HBP1: variants seen among roughly 807,000 people sequenced by gnomAD.
HBP1 encodes HMG box-containing protein 1.
A neutral mutation model predicts 62.6 loss-of-function variants in HBP1; 20 were observed. That is an observed-to-expected ratio of 0.32 (90% CI 0.22 to 0.46). The LOEUF is 0.46. Ranked by LOEUF, HBP1 falls within the 20% of genes least tolerant of loss-of-function variation. HBP1 has a pLI of 1.00. For synonymous variants in HBP1, 232 were observed against 206.2 expected, an observed-to-expected ratio of 1.12 and a Z score of -1.07; for missense variants, 480 against 611.8, an observed-to-expected ratio of 0.78 and a Z score of 2.27.
chr7:107,173,141 A>T lies in HBP1; in HGVS notation c.-16+3956A>T, dbSNP rs527329417. On this transcript the variant is annotated intron_variant, in intron 1 of 10. Transcript: ENST00000222574. ...ACAGCCTCAGAGATGCTTTTGGTAT[A>T]GAAAGTTGCATTTAATATACTTTGT... 1.5e-3 allele frequency among the ~76,000 whole-genome samples: 224 copies of T among 152,352 alleles called. 1 individual carries two copies. Among genetic ancestry groups the T allele is most frequent in the African/African-American group, 5.0e-3 (206 of 41,580 alleles).
At chr7:107,190,339 G>A in intron 8 of HBP1, 22 bp downstream of exon 8, 1 of 1,553,130 alleles carries the variant, frequency 6.4e-7, no homozygotes, top group East Asian at 2.3e-5. Context: ...TTAATTCTTT[G>A]TTTTATTTTC....
intron 6 of HBP1, 31 bp from the exon 7 acceptor site, chr7:107,189,261 C>T: frequency 6.3e-7 from 1 of 1,579,186 alleles, no homozygotes; most frequent in Non-Finnish European, 8.7e-7. Flanking sequence ...TGAACATTTC[C>T]AATTCATTCA....
chr7:107,180,073 T>C lies in HBP1; in HGVS notation c.169+11T>C. ...AACACATGGAGCTTGGTAAGCAAAA[T>C]TAAAAGTTATATAGAAATCTCACTA... On this transcript the variant is annotated intron_variant, in intron 2 of 10. Transcript: ENST00000222574. 6.6e-7 allele frequency: 1 copy of C among 1,519,868 alleles called. No individual in the cohort carries two copies. The highest frequency in any genetic ancestry group is 2.3e-5 in the East Asian group (1 of 43,718). The allele number at this position is 1,519,868 out of a possible 1,614,324, so 94.1% of individuals were successfully genotyped here.
chr7:107,184,029 A>T (rs560248748), intron 3 of HBP1, among the ~76,000 whole-genome samples: 1 of 152,346 alleles, frequency 6.6e-6, no homozygotes, highest in South Asian at 2.1e-4. Flanking sequence ...TTAGCATGTT[A>T]ATTTTCACAG....
chr7:107,188,768 A>G (rs1017612365), intron 6 of HBP1, among the ~76,000 whole-genome samples: 3 of 152,178 alleles, frequency 2.0e-5, no homozygotes, highest in African/African-American at 7.2e-5. Context: ...TTAAAAATTG[A>G]CAGTCATGCT....
At chr7:107,194,964 T>A (rs1443158224) in intron 8 of HBP1, among the ~76,000 whole-genome samples, 3 of 152,240 alleles carry the variant, frequency 2.0e-5, no homozygotes, top group Non-Finnish European at 4.4e-5. Flanking sequence ...GGATGGCCTT[T>A]CGGGAGACTG....
intron 1 of HBP1, among the ~76,000 whole-genome samples, chr7:107,177,428 A>G (rs1562886543): frequency 6.6e-6 from 1 of 152,274 alleles, no homozygotes; most frequent in Non-Finnish European, 1.5e-5. Flanking sequence ...TAGCATCCAA[A>G]ATAGAATATT....
Position 107,190,210 on chromosome 7 carries a change from G to A in HBP1, c.960G>A (p.Gln320=). 1.2e-6 allele frequency: 2 copies of A among 1,609,588 alleles called. No homozygotes were observed. The highest frequency in any genetic ancestry group is 1.7e-6 in the Non-Finnish European group (2 of 1,176,268). ...TTTATCCAAGCTTGACTGTGGTACA[G>A]CATGGCATTCCATGTTGTGAAGTTC... ...SSFYPSLTVV[Q]HGIPCCEVHI... Residue 320 remains glutamine (Q), a synonymous_variant, in exon 8 of 11, where the codon CAG becomes CAA. Transcript: ENST00000222574.
intron 3 of HBP1, among the ~76,000 whole-genome samples, chr7:107,184,612 G>A (rs182462905): frequency 3.3e-5 from 5 of 152,224 alleles, no homozygotes; most frequent in South Asian, 2.1e-4. Context: ...CCGGGTTCAC[G>A]CCATTCTCCT....
intron 1 of HBP1, among the ~76,000 whole-genome samples, chr7:107,177,014 A>C (rs891538809): frequency 2.0e-5 from 3 of 152,172 alleles, no homozygotes; most frequent in African/African-American, 7.2e-5. Context: ...GTTGAAACTG[A>C]ATAGCTATCT....
At position 107,176,536 on chromosome 7, in the gene HBP1, C is replaced by T. The variant is rs535261624; in HGVS notation, c.-15-3343C>T. Reference sequence around the variant, plus strand: ...AGCAACCATTTTTAGCCCAGTGTATCTCAGTATTCTGCACCTGGAAACAAA... The same window carrying T: ...AGCAACCATTTTTAGCCCAGTGTATTTCAGTATTCTGCACCTGGAAACAAA... On this transcript the variant is annotated intron_variant, in intron 1 of 10. Coordinates refer to ENST00000222574, the MANE Select transcript of HBP1 (RefSeq NM_012257.4). Among the ~76,000 whole-genome samples, 3 of 152,092 alleles carry T rather than the reference C, an allele frequency of 2.0e-5. No individual in the cohort carries two copies. The South Asian group carries it at 6.2e-4, about 32-fold the overall frequency.
At chr7:107,184,087 T>C (rs1797240389) in intron 3 of HBP1, among the ~76,000 whole-genome samples, 1 of 152,248 alleles carries the variant, frequency 6.6e-6, no homozygotes, top group South Asian at 2.1e-4. Context: ...TTCCCTTCAT[T>C]TTTATTTATT....
rs549501527 is a variant in HBP1, at chr7:107,181,283, G to A, written c.170-1090G>A. Among the ~76,000 whole-genome samples the A allele has an allele frequency of 2.0e-5, 3 of 152,162 alleles. No homozygotes were observed. In the South Asian group the frequency reaches 6.2e-4, roughly 32 times the overall value. ...GGAGTTCAGGACCAGCCTGGTCAAC[G>A]TAGTGAGATATCATCTCTACAAAAA... On this transcript the variant is annotated intron_variant, in intron 2 of 10. Transcript: ENST00000222574.
intron 9 of HBP1, among the ~76,000 whole-genome samples, chr7:107,199,516 G>C (rs976761298): frequency 6.6e-6 from 1 of 152,222 alleles, no homozygotes; most frequent in South Asian, 2.1e-4. Flanking sequence ...TGTTGCTTTG[G>C]CTTCCATATC....
chr7:107,171,324 C>G (rs2115760470), intron 1 of HBP1, among the ~76,000 whole-genome samples: 1 of 151,468 alleles, frequency 6.6e-6, no homozygotes, highest in East Asian at 2.0e-4. Context: ...CCCGCCTCGG[C>G]CTCCCAAAGT....
chr7:107,190,259 C>G lies in HBP1; in HGVS notation c.1009C>G (p.Pro337Ala), dbSNP rs1797587749. 1.2e-6 allele frequency: 2 copies of G among 1,611,132 alleles called. No homozygotes were observed. Among genetic ancestry groups the G allele is most frequent in the Admixed American group, 3.3e-5 (2 of 59,912 alleles). ...EVHIGDVCLPPGHPDAINFDD... is the reference protein window; with the variant it reads ...EVHIGDVCLPAGHPDAINFDD... ...TCATATTGGCGATGTATGTCTACCT[C>G]CTGGACACCCCGATGCCATTAATTT... The change falls in exon 8 of 11, where the codon CCT becomes GCT. Residue 337 changes from proline to alanine, a missense_variant. Pro to Ala is a conservative substitution (Grantham distance 27). Transcript: ENST00000222574.
chr7:107,171,067 A>ATTTTTTTTTTT (rs1395508929), intron 1 of HBP1, among the ~76,000 whole-genome samples: 4 of 66,680 alleles, frequency 6.0e-5, no homozygotes, highest in African/African-American at 5.6e-4. Flanking sequence ...ATATATATAT[A>ATTTTTTTTTTT]TATATATTTT....
intron 1 of HBP1, among the ~76,000 whole-genome samples, chr7:107,172,725 G>A (rs1473354096): frequency 6.6e-6 from 1 of 152,016 alleles, no homozygotes; most frequent in African/African-American, 2.4e-5. Context: ...AATTCTGATA[G>A]GTAGATAGGT....
At position 107,186,491 on chromosome 7, in the gene HBP1, C is replaced by T; in HGVS notation, c.652+19C>T. The T allele has an allele frequency of 1.9e-6, 3 of 1,583,228 alleles. No individual in the cohort carries two copies. Among genetic ancestry groups the T allele is most frequent in the Non-Finnish European group, 1.7e-6 (2 of 1,154,470 alleles). Reference sequence around the variant, plus strand: ...TTGAAAGGTAAAACAAACAAACAAACAAAAACCTTGAATTTTCCACAGCTT... The same window carrying T: ...TTGAAAGGTAAAACAAACAAACAAATAAAAACCTTGAATTTTCCACAGCTT... On this transcript the variant is annotated intron_variant, in intron 5 of 10. Transcript: ENST00000222574.
Sources: allele counts gnomAD v4.1 joint callset (sites outside exome capture counted in the v4.1 genomes callset), GRCh38; gene constraint gnomAD v4.1.1; transcripts MANE v1.5; gene names NCBI Gene and HGNC (gene_info 2026-07-23, HGNC 2026-07-21).